Variants in GSG1L observed in about 807,000 individuals in gnomAD.
The protein encoded by GSG1L is germ cell-specific gene 1-like protein.
GSG1L carries 24 observed loss-of-function variants against 42.1 expected under a neutral mutation model. The ratio of observed to expected loss-of-function variants is 0.57; its 90% CI spans 0.41 to 0.80. The LOEUF is 0.80. Among genes scored for constraint, GSG1L ranks in the 30% least tolerant of loss-of-function variants. The pLI is 0.00. For synonymous variants in GSG1L, 215 were observed against 203.5 expected, an observed-to-expected ratio of 1.06 and a Z score of -0.48; for missense variants, 445 against 472.2, an observed-to-expected ratio of 0.94 and a Z score of 0.53.
chr16:27,827,856 T>TTCCATCCATCCA (rs72231743), intron 5 of GSG1L, among the ~76,000 whole-genome samples: 1 of 128,274 alleles, frequency 7.8e-6, no homozygotes, highest in African/African-American at 3.2e-5. Flanking sequence ...CCACTCACCA[T>TTCCATCCATCCA]TCCATCCATC....
At chr16:27,995,565 A>AAG (rs2085506742) in intron 1 of GSG1L, among the ~76,000 whole-genome samples, 3 of 152,032 alleles carry the variant, frequency 2.0e-5, no homozygotes, top group African/African-American at 7.2e-5. Context: ...TTTAAAGACC[A>AAG]CAGGGACACA....
intron 2 of GSG1L, among the ~76,000 whole-genome samples, chr16:27,905,913 C>T (rs1436200823): frequency 6.6e-6 from 1 of 152,154 alleles, no homozygotes; most frequent in Non-Finnish European, 1.5e-5. Flanking sequence ...CTGGCTTTAT[C>T]ACTGTGGCAG....
intron 1 of GSG1L, among the ~76,000 whole-genome samples, chr16:28,061,919 T>C (rs2086346024): frequency 6.6e-6 from 1 of 152,174 alleles, no homozygotes. Context: ...CCTGGAGCTT[T>C]TCACTGGGTT....
intron 1 of GSG1L, among the ~76,000 whole-genome samples, chr16:28,002,021 C>T (rs1196431582): frequency 1.3e-5 from 2 of 152,204 alleles, no homozygotes; most frequent in Non-Finnish European, 1.5e-5. Flanking sequence ...GCCATCTTGC[C>T]TCATTTTTGC....
chr16:27,946,017 A>G (rs1466542783), intron 2 of GSG1L, among the ~76,000 whole-genome samples: 1 of 152,246 alleles, frequency 6.6e-6, no homozygotes, highest in Non-Finnish European at 1.5e-5. Flanking sequence ...CCAGGTCAGA[A>G]CACACAGCAA....
intron 1 of GSG1L, among the ~76,000 whole-genome samples, chr16:27,994,687 A>T (rs535448113): frequency 6.6e-6 from 1 of 152,156 alleles, no homozygotes; most frequent in East Asian, 1.9e-4. Context: ...GTGAGTCAAT[A>T]AAAAAAATCA....
chr16:28,017,888 A>G (rs1202386323), intron 1 of GSG1L, among the ~76,000 whole-genome samples: 1 of 152,150 alleles, frequency 6.6e-6, no homozygotes, highest in East Asian at 1.9e-4. Context: ...GAGGGACGGG[A>G]TGTGATGGGG....
At chr16:27,976,463 T>C (rs1227507768) in intron 1 of GSG1L, among the ~76,000 whole-genome samples, 1 of 152,222 alleles carries the variant, frequency 6.6e-6, no homozygotes, top group African/African-American at 2.4e-5. Context: ...ATAAATCGTC[T>C]TTCTCAAGAA....
chr16:28,024,623 T>A (rs1026638345), intron 1 of GSG1L, among the ~76,000 whole-genome samples: 5 of 152,228 alleles, frequency 3.3e-5, no homozygotes, highest in African/African-American at 1.2e-4. Context: ...CCCTCAGAGA[T>A]GTCCAGTATG....
At chr16:28,018,673 C>G (rs966856120) in intron 1 of GSG1L, among the ~76,000 whole-genome samples, 4 of 152,102 alleles carry the variant, frequency 2.6e-5, no homozygotes, top group African/African-American at 9.7e-5. Context: ...CAGGAAACCA[C>G]AATGCCACCT....
chr16:28,058,050 C>T (rs2086298174), intron 1 of GSG1L, among the ~76,000 whole-genome samples: 1 of 152,230 alleles, frequency 6.6e-6, no homozygotes. Flanking sequence ...TGGAGCCAAA[C>T]CCGGGGCTCG....
chr16:27,941,206 A>C (rs1284152095), intron 2 of GSG1L, among the ~76,000 whole-genome samples: 1 of 152,154 alleles, frequency 6.6e-6, no homozygotes, highest in East Asian at 1.9e-4. Context: ...AAGACAGTGA[A>C]AAGGCAACCC....
chr16:27,815,724 C>A (rs2083087272), intron 5 of GSG1L, among the ~76,000 whole-genome samples: 1 of 152,258 alleles, frequency 6.6e-6, no homozygotes, highest in African/African-American at 2.4e-5. Context: ...ACATAATATA[C>A]CTATTCTTCT....
chr16:27,910,211 C>A (rs184827760), intron 2 of GSG1L, among the ~76,000 whole-genome samples: 27 of 151,858 alleles, frequency 1.8e-4, no homozygotes, highest in African/African-American at 6.1e-4. Context: ...AATCTGCCCC[C>A]CTTGGCCTCC....
chr16:27,989,537 C>G (rs533441383), intron 1 of GSG1L, among the ~76,000 whole-genome samples: 23 of 152,062 alleles, frequency 1.5e-4, no homozygotes, highest in Non-Finnish European at 3.1e-4. Flanking sequence ...GTCAGGAGTT[C>G]GAGACCAGCC....
At chr16:27,858,470 G>T (rs1244123034) in intron 3 of GSG1L, among the ~76,000 whole-genome samples, 2 of 152,180 alleles carry the variant, frequency 1.3e-5, no homozygotes, top group Non-Finnish European at 2.9e-5. Context: ...CCAAGTCCAG[G>T]TGTTTTACCA....
rs55918316 is a variant in GSG1L, at chr16:27,926,507, G to GA, written c.397+36648dup. 1.7e-3 allele frequency among the ~76,000 whole-genome samples: 252 copies of GA among 144,064 alleles called. 2 individuals carry two copies. The highest frequency in any genetic ancestry group is 0.011 in the East Asian group (54 of 4,916). 94.5% of individuals were successfully genotyped at this position (144,064 alleles called of 152,430 possible). On this transcript the variant is annotated intron_variant, in intron 2 of 6. Coordinates refer to ENST00000447459, the MANE Select transcript of GSG1L (RefSeq NM_001109763.2). ...AACATGGTGAAATCCTATCTGTGCT[G>GA]AAAAAAAAAAAACAAAAAAACAAAA...
intron 5 of GSG1L, among the ~76,000 whole-genome samples, chr16:27,813,942 T>C (rs1416657680): frequency 6.6e-6 from 1 of 152,194 alleles, no homozygotes; most frequent in Non-Finnish European, 1.5e-5. Context: ...GCACTGGGCA[T>C]AATACCGGTG....
chr16:27,968,448 ACT>A (rs2085158352), intron 1 of GSG1L, among the ~76,000 whole-genome samples: 1 of 151,696 alleles, frequency 6.6e-6, no homozygotes, highest in African/African-American at 2.4e-5. Flanking sequence ...ATGGGATCTC[ACT>A]CTGTCACCCA....
Sources: allele counts gnomAD v4.1 joint callset (sites outside exome capture counted in the v4.1 genomes callset), GRCh38; gene constraint gnomAD v4.1.1; transcripts MANE v1.5; gene names NCBI Gene and HGNC (gene_info 2026-07-23, HGNC 2026-07-21).